The following LPIN2 variants were observed in gnomAD, a reference collection of about 807,000 sequenced individuals.
The protein encoded by LPIN2 is phosphatidate phosphatase LPIN2.
Under a neutral mutation model 111.4 loss-of-function variants are expected in LPIN2, and 55 were observed. The observed-to-expected ratio is 0.49, with a 90% CI of 0.40 to 0.62. The LOEUF (loss-of-function observed/expected upper bound fraction) is 0.62, where lower values mean the gene tolerates loss of function less well. LPIN2 is among the 20% of genes least tolerant of loss of function. LPIN2 has a pLI of 0.00. For missense variants in LPIN2, 992 were observed against 1,112.1 expected, an observed-to-expected ratio of 0.89 and a Z score of 1.54; for synonymous variants, 425 against 414.0, an observed-to-expected ratio of 1.03 and a Z score of -0.32.
Position 2,918,345 on chromosome 18 carries a change from G to T in LPIN2, c.*1948C>A, listed in dbSNP as rs1463265527. ...TAAAGATGTATATTAAGATTTTTCAGTACCATACATATGCAAAGAAGTCCT... is the reference window on the plus strand; with the variant it reads ...TAAAGATGTATATTAAGATTTTTCATTACCATACATATGCAAAGAAGTCCT... On this transcript the variant is annotated 3_prime_UTR_variant, in exon 20 of 20. Coordinates refer to ENST00000677752, the MANE Select transcript of LPIN2 (RefSeq NM_001375808.2). 1.3e-5 allele frequency: 2 copies of T among 152,188 alleles called. No individual in the cohort carries two copies. The highest frequency in any genetic ancestry group is 2.9e-5 in the Non-Finnish European group (2 of 68,034). The allele number at this position is 152,188 out of a possible 1,614,324, so 9.4% of individuals were successfully genotyped here. A position where few individuals can be genotyped will look rare whatever the true frequency, so the allele number is the denominator to read the frequency against.
In LPIN2 at chr18:2,990,608, G is replaced by T. The variant is rs111496111; in HGVS notation, c.-10+22479C>A. Reference sequence around the variant, plus strand: ...GATACCAATTCATACCCACTACGATGGCTATAGTTTCTGTTAAAAAGGAAG... The same window carrying T: ...GATACCAATTCATACCCACTACGATTGCTATAGTTTCTGTTAAAAAGGAAG... On this transcript the variant is annotated intron_variant, in intron 1 of 19. Coordinates refer to ENST00000677752, the MANE Select transcript of LPIN2 (RefSeq NM_001375808.2). 4.2e-3 allele frequency: 749 copies of T among 178,002 alleles called. 8 individuals are homozygous for T. Among genetic ancestry groups the T allele is most frequent in the South Asian group, 0.011 (91 of 8,074 alleles). The allele number at this position is 178,002 out of a possible 1,614,324, so 11.0% of individuals were successfully genotyped here. A position where few individuals can be genotyped will look rare whatever the true frequency, so the allele number is the denominator to read the frequency against.
intron 1 of LPIN2, among the ~76,000 whole-genome samples, chr18:3,002,100 T>C (rs745399839): frequency 2.0e-5 from 3 of 152,078 alleles, no homozygotes; most frequent in Non-Finnish European, 2.9e-5. Flanking sequence ...GACAGGGAGA[T>C]GTCCTAAAAC....
intron 1 of LPIN2, among the ~76,000 whole-genome samples, chr18:2,979,287 A>G (rs1265931426): frequency 2.0e-5 from 3 of 152,220 alleles, no homozygotes; most frequent in Admixed American, 6.5e-5. Flanking sequence ...GATCACATCT[A>G]CAAAACAGGG....
Position 2,922,159 on chromosome 18 carries a change from C to A in LPIN2, c.2215G>T (p.Gly739Cys), listed in dbSNP as rs745481472. ...TAGCCACGGGTCATGTCGGCCATGC[C>A]GATGGCACGAGCCGAGCAGTACAGA... is the stretch of plus-strand genomic sequence containing the variant. ...KFLYCSARAI[G>C]MADMTRGYLH... The change falls in exon 17 of 20, where the codon GGC becomes TGC. Residue 739 changes from glycine to cysteine, a missense_variant. By Grantham distance (159) the Gly-to-Cys change is radical. Coordinates refer to ENST00000677752, the MANE Select transcript of LPIN2 (RefSeq NM_001375808.2). 1 of 1,613,808 alleles carries A rather than the reference C, an allele frequency of 6.2e-7. No individual in the cohort carries two copies. The highest frequency in any genetic ancestry group is 8.5e-7 in the Non-Finnish European group (1 of 1,180,004).
intron 1 of LPIN2, among the ~76,000 whole-genome samples, chr18:2,989,913 C>CT (rs1344208026): frequency 6.1e-5 from 5 of 81,708 alleles, no homozygotes; most frequent in Admixed American, 1.4e-4. Flanking sequence ...GAGTGAGACT[C>CT]TGTCTCAAAA....
At chr18:2,945,987 G>C in intron 4 of LPIN2, 1 of 1,395,686 alleles carries the variant, frequency 7.2e-7, no homozygotes, top group South Asian at 1.2e-5. Context: ...TCCCCTCATG[G>C]AAAATAGGTA....
chr18:2,958,107 A>G, intron 2 of LPIN2, among the ~76,000 whole-genome samples: 1 of 126,800 alleles, frequency 7.9e-6, no homozygotes, highest in South Asian at 2.8e-4. Flanking sequence ...GCCCCACTGC[A>G]CTCCAGCTTG....
At chr18:2,937,612 G>T in intron 7 of LPIN2, 80 bp downstream of exon 7, 1 of 983,156 alleles carries the variant, frequency 1.0e-6, no homozygotes, top group Non-Finnish European at 1.6e-6. Context: ...TACAGAGGCA[G>T]CCATCACGTT....
chr18:2,956,316 GTGT>G (rs1273177585), intron 2 of LPIN2, among the ~76,000 whole-genome samples: 9 of 36,794 alleles, frequency 2.4e-4, no homozygotes, highest in Non-Finnish European at 8.3e-4. Flanking sequence ...GCAGGGGTGT[GTGT>G]GTGTGTGTGT....
intron 1 of LPIN2, among the ~76,000 whole-genome samples, chr18:3,005,785 G>A (rs1263887059): frequency 6.6e-6 from 1 of 152,082 alleles, no homozygotes; most frequent in African/African-American, 2.4e-5. Context: ...CAGCACTTTG[G>A]GAGGTAGAAA....
intron 1 of LPIN2, among the ~76,000 whole-genome samples, chr18:2,987,112 T>C (rs1483966793): frequency 1.3e-5 from 2 of 152,248 alleles, no homozygotes; most frequent in Admixed American, 1.3e-4. Flanking sequence ...TCTGGGGTTA[T>C]ATCACCCCCA....
At chr18:2,963,367 C>G (rs144462220) in intron 1 of LPIN2, among the ~76,000 whole-genome samples, 1 of 150,356 alleles carries the variant, frequency 6.7e-6, no homozygotes, top group East Asian at 1.9e-4. Context: ...CATGCTAGCC[C>G]AGCATAGCTA....
intron 7 of LPIN2, among the ~76,000 whole-genome samples, chr18:2,935,990 T>C (rs1472376432): frequency 2.0e-5 from 3 of 152,236 alleles, no homozygotes; most frequent in South Asian, 2.1e-4. Flanking sequence ...AAGAACTGGA[T>C]TTCCCCCCTT....
At chr18:3,002,631 T>G (rs2078450825) in intron 1 of LPIN2, among the ~76,000 whole-genome samples, 1 of 152,228 alleles carries the variant, frequency 6.6e-6, no homozygotes, top group Non-Finnish European at 1.5e-5. Context: ...ATACAAGATT[T>G]CTAACTTTGG....
At chr18:2,941,692 C>T (rs535446612) in intron 4 of LPIN2, among the ~76,000 whole-genome samples, 19 of 152,268 alleles carry the variant, frequency 1.2e-4, no homozygotes, top group African/African-American at 3.4e-4. Flanking sequence ...TTCGGAAGGC[C>T]GAGGCGGGTG....
chr18:2,998,649 C>T (rs957769612), intron 1 of LPIN2, among the ~76,000 whole-genome samples: 3 of 150,948 alleles, frequency 2.0e-5, no homozygotes, highest in African/African-American at 7.3e-5. Flanking sequence ...GAAAGAAAAG[C>T]GTTGTAGAGC....
chr18:2,960,040 C>T (rs1790981), intron 2 of LPIN2, among the ~76,000 whole-genome samples: 143,846 of 152,072 alleles, frequency 0.95, 68,310 homozygotes, highest in Non-Finnish European at 0.99. Flanking sequence ...CATGGTTGCA[C>T]GTGCCTGTAA....
intron 8 of LPIN2, among the ~76,000 whole-genome samples, chr18:2,932,519 T>A (rs2144168039): frequency 6.6e-6 from 1 of 152,340 alleles, no homozygotes; most frequent in East Asian, 1.9e-4. Flanking sequence ...AAAATTGAGA[T>A]TAACTGGACT....
intron 1 of LPIN2, among the ~76,000 whole-genome samples, chr18:2,974,316 G>A (rs1411745596): frequency 6.6e-6 from 1 of 152,142 alleles, no homozygotes; most frequent in African/African-American, 2.4e-5. Context: ...CTGACCTCGC[G>A]ATCCGCCCGC....
Sources: allele counts gnomAD v4.1 joint callset (sites outside exome capture counted in the v4.1 genomes callset), GRCh38; gene constraint gnomAD v4.1.1; transcripts MANE v1.5; gene names NCBI Gene and HGNC (gene_info 2026-07-23, HGNC 2026-07-21).